The following POLA1 variants were observed in gnomAD, a reference collection of about 807,000 sequenced individuals.
POLA1 encodes the protein DNA polymerase alpha 1, catalytic subunit, also known as DNA polymerase alpha catalytic subunit.
Under a neutral mutation model 124.0 loss-of-function variants are expected in POLA1, and 15 were observed. The observed-to-expected ratio is 0.12, with a 90% CI of 0.08 to 0.19. POLA1 has a LOEUF of 0.19. POLA1 is among the 10% of genes least tolerant of loss of function. POLA1 has a pLI of 1.00. For missense variants in POLA1, 886 were observed against 1,103.4 expected, an observed-to-expected ratio of 0.80 and a Z score of 2.79; for synonymous variants, 408 against 389.4, an observed-to-expected ratio of 1.05 and a Z score of -0.56.
chrX:24,717,644 G>A lies in POLA1; in HGVS notation c.973G>A (p.Val325Met). 8.3e-7 allele frequency: 1 copy of A among 1,207,127 alleles called. No homozygotes were observed. The highest frequency in any genetic ancestry group is 3.0e-5 in the East Asian group (1 of 33,841). The change falls in exon 10 of 37, where the codon GTG becomes ATG. Residue 325 changes from valine to methionine, a missense_variant. By Grantham distance (21) the Val-to-Met change is conservative (BLOSUM62 1). Transcript: ENST00000379068. Reference protein sequence around the residue: ...IDQEGDSSFSVQEVQVDSSHL... With the variant: ...IDQEGDSSFSMQEVQVDSSHL... ...TCAAGAAGGTGATAGCAGTTTCTCA[G>A]TGCAAGAAGTTCAAGTGGATTCCAG...
chrX:24,951,274 A>AG (rs1179051378), intron 36 of POLA1, among the ~76,000 whole-genome samples: 23 of 93,574 alleles, frequency 2.5e-4, no homozygotes, highest in Non-Finnish European at 1.9e-4. Flanking sequence ...GATTAGGAGT[A>AG]GGCTTAAGCT....
At chrX:24,722,967 G>A (rs1271267628) in intron 10 of POLA1, among the ~76,000 whole-genome samples, 188 bp from the exon 11 acceptor site, 3 of 112,492 alleles carry the variant, frequency 2.7e-5, no homozygotes, top group African/African-American at 9.7e-5. Flanking sequence ...CATTGTGTTA[G>A]TGTAGTATGG....
intron 36 of POLA1, among the ~76,000 whole-genome samples, chrX:24,931,756 G>C (rs2047782982): frequency 8.9e-6 from 1 of 112,268 alleles, no homozygotes; most frequent in Non-Finnish European, 1.9e-5. Flanking sequence ...ATTTACAGCT[G>C]TTTTTCTTTT....
intron 36 of POLA1, among the ~76,000 whole-genome samples, chrX:24,973,835 C>T (rs764643157): frequency 8.0e-4 from 89 of 111,380 alleles, no homozygotes; most frequent in Non-Finnish European, 5.5e-4. Context: ...TGGGTACCCA[C>T]CCCCACACAA....
rs768400336 is a variant in POLA1, at chrX:24,986,458, C to G, written c.4262-9347C>G. Among the ~76,000 whole-genome samples the G allele has an allele frequency of 6.5e-5, 7 of 108,372 alleles. No individual in the cohort carries two copies. In the South Asian group the frequency reaches 2.9e-3, roughly 44 times the overall value. The allele number at this position is 108,372 out of a possible 115,157, so 94.1% of individuals were successfully genotyped here. On this transcript the variant is annotated intron_variant, in intron 36 of 36. Coordinates refer to ENST00000379068, the MANE Select transcript of POLA1 (RefSeq NM_001330360.2). The stretch of plus-strand genomic sequence containing the variant: ...CCTGGACAACAGAGCAAGAGTAAGA[C>G]TTTGTCTCTTTAAATATATATATAT...
At chrX:24,964,428 A>G (rs182578570) in intron 36 of POLA1, among the ~76,000 whole-genome samples, 1 of 112,995 alleles carries the variant, frequency 8.8e-6, no homozygotes, top group South Asian at 3.6e-4. Flanking sequence ...TATACATCCT[A>G]GAAATCTTGA....
chrX:24,864,811 G>A (rs1050265675), intron 34 of POLA1, among the ~76,000 whole-genome samples: 2 of 109,492 alleles, frequency 1.8e-5, no homozygotes, highest in Admixed American at 1.9e-4. Context: ...GTCTCTTATA[G>A]TCGTTCTTTT....
At chrX:24,758,027 T>C (rs1270563594) in intron 26 of POLA1, among the ~76,000 whole-genome samples, 1 of 111,158 alleles carries the variant, frequency 9.0e-6, no homozygotes, top group Non-Finnish European at 1.9e-5. Flanking sequence ...CTTTCAAAAA[T>C]TGATGAAAGT....
At chrX:24,701,194 G>T (rs920333368) in intron 2 of POLA1, among the ~76,000 whole-genome samples, 3 of 110,915 alleles carry the variant, frequency 2.7e-5, no homozygotes, top group African/African-American at 9.8e-5. Context: ...GGTAAGGCAG[G>T]TTGTTTCTGT....
At chrX:24,845,723 G>A (rs922471388) in intron 34 of POLA1, among the ~76,000 whole-genome samples, 4 of 112,180 alleles carry the variant, frequency 3.6e-5, no homozygotes, top group Admixed American at 9.5e-5. Context: ...GATATTGATA[G>A]TAAGTATTGA....
chrX:24,696,094 T>A (rs756398692), intron 1 of POLA1, among the ~76,000 whole-genome samples: 179 of 112,960 alleles, frequency 1.6e-3, no homozygotes, highest in Non-Finnish European at 2.6e-3. Context: ...TATTGCTAAG[T>A]GCAAAGTAAG....
chrX:24,794,254 C>T (rs1329544497), intron 26 of POLA1, among the ~76,000 whole-genome samples: 2 of 112,239 alleles, frequency 1.8e-5, no homozygotes, highest in African/African-American at 3.2e-5. Context: ...GCTGGGATTA[C>T]AGGCGTGAAC....
chrX:24,781,145 T>C (rs1422963786), intron 26 of POLA1, among the ~76,000 whole-genome samples: 1 of 111,781 alleles, frequency 8.9e-6, no homozygotes, highest in Non-Finnish European at 1.9e-5. Flanking sequence ...CTCTTATTGC[T>C]GATGTTGGTA....
chrX:24,745,565 T>C (rs1931953516), intron 24 of POLA1, 23 bp downstream of exon 24: 9 of 1,083,886 alleles, frequency 8.3e-6, no homozygotes, highest in Non-Finnish European at 1.0e-5. Context: ...CCTGGGACTC[T>C]TGAAATTGAG....
chrX:24,715,282 C>A, intron 6 of POLA1, 79 bp downstream of exon 6: 1 of 653,647 alleles, frequency 1.5e-6, no homozygotes, highest in Admixed American at 2.8e-5. Context: ...ACAAAACAGA[C>A]TATTGCCAGA....
intron 36 of POLA1, among the ~76,000 whole-genome samples, chrX:24,984,808 C>T: frequency 9.1e-6 from 1 of 109,414 alleles, no homozygotes; most frequent in Non-Finnish European, 1.9e-5. Flanking sequence ...TACAGGCGCC[C>T]GCCACTACGC....
chrX:24,834,754 G>A (rs1037284114), intron 32 of POLA1, among the ~76,000 whole-genome samples: 1 of 111,485 alleles, frequency 9.0e-6, no homozygotes, highest in South Asian at 3.8e-4. Context: ...TCCAGCCTGG[G>A]CAACAGAGCG....
chrX:24,741,873 TA>T (rs1247984512), intron 21 of POLA1, 128 bp from the exon 22 acceptor site: 359 of 395,453 alleles, frequency 9.1e-4, no homozygotes, highest in East Asian at 1.2e-3. Flanking sequence ...TTTTTTTTTT[TA>T]AAAAAAAAGC....
chrX:24,729,854 G>C lies in POLA1; in HGVS notation c.1686+1918G>C, dbSNP rs149225088. On this transcript the variant is annotated intron_variant, in intron 15 of 36. Coordinates refer to ENST00000379068, the MANE Select transcript of POLA1 (RefSeq NM_001330360.2). ...GAGTCTTACTCTGTTGCCCAGGCTAGAGTGCAGTGACATAGTCTCAGCTTA... is the reference window on the plus strand; with the variant it reads ...GAGTCTTACTCTGTTGCCCAGGCTACAGTGCAGTGACATAGTCTCAGCTTA... Among the ~76,000 whole-genome samples, 193 of 109,926 alleles carry C rather than the reference G, an allele frequency of 1.8e-3. 1 individual carries two copies. The highest frequency in any genetic ancestry group is 6.2e-3 in the African/African-American group (187 of 30,107).
Sources: allele counts gnomAD v4.1 joint callset (sites outside exome capture counted in the v4.1 genomes callset), GRCh38; gene constraint gnomAD v4.1.1; transcripts MANE v1.5; gene names NCBI Gene and HGNC (gene_info 2026-07-23, HGNC 2026-07-21).